Variants in ATP10B observed in about 807,000 individuals in gnomAD.
ATP10B encodes phospholipid-transporting ATPase VB.
A neutral mutation model predicts 141.2 loss-of-function variants in ATP10B; 122 were observed. The observed-to-expected ratio is 0.86, with a 90% CI of 0.75 to 1.00. The LOEUF (loss-of-function observed/expected upper bound fraction) is 1.00. ATP10B is among the 50% of genes least tolerant of loss of function. The pLI, the probability that ATP10B is intolerant of heterozygous loss-of-function variation, is 0.00. For synonymous variants in ATP10B, 685 were observed against 692.0 expected (o/e 0.99, Z 0.16); for missense variants, 1,876 against 1,825.3 (o/e 1.03, Z -0.51).
At chr5:160,708,327 C>T (rs535272147) in intron 3 of ATP10B, among the ~76,000 whole-genome samples, 16 of 152,302 alleles carry the variant, frequency 1.1e-4, no homozygotes, top group African/African-American at 3.8e-4. Flanking sequence ...CCGCCCCCTT[C>T]CAATCTCTAA....
intron 3 of ATP10B, among the ~76,000 whole-genome samples, chr5:160,715,498 G>T (rs1434308202): frequency 3.5e-5 from 5 of 143,190 alleles, no homozygotes; most frequent in Non-Finnish European, 6.1e-5. Flanking sequence ...ACACACACTG[G>T]CCTGCGCCCA....
rs1421967 is a variant in ATP10B at position 160,616,047 on chromosome 5, C to G, written c.2527-83G>C. The G allele has an allele frequency of 2.7e-3, 3,940 of 1,474,308 alleles. 96 individuals are homozygous for G. In the African/African-American group the frequency reaches 0.048, roughly 18 times the overall value. 91.3% of individuals were successfully genotyped at this position (1,474,308 alleles called of 1,614,324 possible). ...TCTCTCTTCCCACCTGCTGGGTCTC[C>G]TATTGGCCTGTTTGAACTTCCCTAC... On this transcript the variant is annotated intron_variant, in intron 16 of 25. Transcript: ENST00000327245.
chr5:160,622,263 T>G (rs1561662439), intron 14 of ATP10B, 131 bp downstream of exon 14: 1 of 849,942 alleles, frequency 1.2e-6, no homozygotes, highest in Non-Finnish European at 1.8e-6. Flanking sequence ...GGTTTCACTG[T>G]GATGAAATGA....
chr5:160,700,537 C>T (rs936063858), intron 3 of ATP10B, among the ~76,000 whole-genome samples: 2 of 152,326 alleles, frequency 1.3e-5, no homozygotes, highest in Non-Finnish European at 2.9e-5. Flanking sequence ...AGTGATCTCA[C>T]AGCACATAAT....
intron 2 of ATP10B, among the ~76,000 whole-genome samples, chr5:160,783,907 A>AT (rs1022452340): frequency 6.6e-6 from 1 of 151,860 alleles, no homozygotes; most frequent in Non-Finnish European, 1.5e-5. Context: ...TTGTTTTTTC[A>AT]TTTTTTGATT....
At chr5:160,603,477 T>C (rs1358294400) in intron 20 of ATP10B, 2 of 158,998 alleles carry the variant, frequency 1.3e-5, no homozygotes, top group African/African-American at 4.8e-5. Context: ...CTATAGTTAG[T>C]GTGTTCTATG....
chr5:160,694,387 G>T (rs563772679), intron 3 of ATP10B, among the ~76,000 whole-genome samples: 1 of 152,162 alleles, frequency 6.6e-6, no homozygotes, highest in South Asian at 2.1e-4. Flanking sequence ...AATAACTTGA[G>T]GATTACCTAA....
intron 1 of ATP10B, among the ~76,000 whole-genome samples, chr5:160,789,819 C>A (rs983376746): frequency 6.6e-6 from 1 of 152,106 alleles, no homozygotes; most frequent in Non-Finnish European, 1.5e-5. Context: ...GGCAATATAG[C>A]CCAGCAGGGG....
intron 2 of ATP10B, among the ~76,000 whole-genome samples, chr5:160,746,191 A>G (rs1359055695): frequency 6.6e-6 from 1 of 152,126 alleles, no homozygotes; most frequent in Non-Finnish European, 1.5e-5. Context: ...ACTAGATGCT[A>G]TCTCTCTCAC....
intron 7 of ATP10B, among the ~76,000 whole-genome samples, chr5:160,653,673 TATATATAC>T (rs1249134754): frequency 0.037 from 666 of 17,940 alleles, 14 homozygotes; most frequent in Middle Eastern, 0.1. Context: ...ACATATATAT[TATATATAC>T]ATATATACAT....
intron 22 of ATP10B, among the ~76,000 whole-genome samples, chr5:160,591,514 T>C (rs1035093254): frequency 2.0e-5 from 3 of 152,224 alleles, no homozygotes; most frequent in Non-Finnish European, 4.4e-5. Flanking sequence ...ATTAGTTCTT[T>C]TGCTACTGTT....
the ATP10B span, among the ~76,000 whole-genome samples, chr5:160,906,336 A>G: frequency 0.017 from 2,560 of 151,620 alleles, 78 homozygotes; most frequent in African/African-American, 0.059. Flanking sequence ...AAAAAAAACA[A>G]TCGACCAGTT....
the ATP10B span, among the ~76,000 whole-genome samples, chr5:160,885,738 T>G: frequency 6.6e-6 from 1 of 152,236 alleles, no homozygotes; most frequent in South Asian, 2.1e-4. Flanking sequence ...GAAAGTTGTT[T>G]TCATCCTAGT....
At chr5:160,634,066 T>TA (rs541973048) in intron 12 of ATP10B, 17 of 480,674 alleles carry the variant, frequency 3.5e-5, no homozygotes, top group Admixed American at 9.7e-5. Context: ...TGCTGACAGA[T>TA]AAAAAACTCG....
In ATP10B at chr5:160,828,561, G is replaced by C. The variant is rs577811781; in HGVS notation, c.-576+23380C>G. On this transcript the variant is annotated intron_variant, in intron 1 of 25. Coordinates refer to ENST00000327245, the MANE Select transcript of ATP10B (RefSeq NM_025153.3). The stretch of plus-strand genomic sequence containing the variant: ...TCATTAAAAAGTCAGGAAACAACAG[G>C]TGCTGGAGAGGATGTGGAGAAATAG... Among the ~76,000 whole-genome samples, 15 of 151,678 alleles carry C rather than the reference G, an allele frequency of 9.9e-5. No homozygotes were observed. In the South Asian group the frequency reaches 1.0e-3, roughly 11 times the overall value.
At chr5:160,714,902 G>A (rs1406270939) in intron 3 of ATP10B, among the ~76,000 whole-genome samples, 2 of 146,358 alleles carry the variant, frequency 1.4e-5, no homozygotes, top group Admixed American at 6.8e-5. Flanking sequence ...GCCCTGCTGG[G>A]GGGTGCCTCC....
intron 10 of ATP10B, among the ~76,000 whole-genome samples, chr5:160,637,255 C>T (rs1442693729): frequency 6.6e-6 from 1 of 150,390 alleles, no homozygotes; most frequent in East Asian, 2.0e-4. Flanking sequence ...CATCCATATA[C>T]TCCATATACT....
At chr5:160,806,890 C>G (rs182055139) in intron 1 of ATP10B, among the ~76,000 whole-genome samples, 1 of 152,306 alleles carries the variant, frequency 6.6e-6, no homozygotes, top group Admixed American at 6.5e-5. Context: ...TTTATGGCAA[C>G]AGAGCACTTT....
At chr5:160,736,195 GA>G (rs1038587525) in intron 2 of ATP10B, among the ~76,000 whole-genome samples, 4 of 151,906 alleles carry the variant, frequency 2.6e-5, no homozygotes, top group African/African-American at 9.7e-5. Context: ...TTGGTTTTTT[GA>G]AAAGTTAAAC....
Sources: gnomAD v4.1 joint callset for allele counts (sites outside exome capture counted in the v4.1 genomes callset) on GRCh38, gnomAD v4.1.1 for gene constraint, MANE v1.5 for transcripts, NCBI Gene and HGNC (gene_info 2026-07-23, HGNC 2026-07-21) for gene names.